Variants in ABR observed in about 807,000 individuals in gnomAD.
ABR encodes the protein active breakpoint cluster region-related protein.
In ABR, 35 loss-of-function variants were observed where a neutral mutation model predicts 107.2. That is an observed-to-expected ratio of 0.33 (90% CI 0.25 to 0.43). The LOEUF (loss-of-function observed/expected upper bound fraction) is 0.43, where lower values mean the gene tolerates loss of function less well. Ranked by LOEUF, ABR falls within the 20% of genes least tolerant of loss-of-function variation. The pLI is 1.00. For synonymous variants in ABR, 498 were observed against 462.0 expected, an observed-to-expected ratio of 1.08 and a Z score of -1.00; for missense variants, 815 against 1,115.2, an observed-to-expected ratio of 0.73 and a Z score of 3.83.
chr17:1,041,346 G>A (rs1402699137), intron 16 of ABR, among the ~76,000 whole-genome samples: 2 of 152,224 alleles, frequency 1.3e-5, no homozygotes, highest in Non-Finnish European at 2.9e-5. Context: ...AAGCGTGGAC[G>A]CACACGTCAC....
chr17:1,021,447 G>A (rs2071621845), intron 16 of ABR, among the ~76,000 whole-genome samples: 1 of 152,190 alleles, frequency 6.6e-6, no homozygotes. Flanking sequence ...TCCACCCTCT[G>A]AGCCCCGGCA....
intron 16 of ABR, among the ~76,000 whole-genome samples, chr17:1,022,120 A>AAC (rs1555534387): frequency 2.5e-5 from 3 of 118,388 alleles, no homozygotes; most frequent in South Asian, 2.7e-4. Flanking sequence ...AAAAAAAAAA[A>AAC]AAAAACAGAA....
At chr17:1,047,411 G>A (rs1160864515) in intron 16 of ABR, among the ~76,000 whole-genome samples, 1 of 152,246 alleles carries the variant, frequency 6.6e-6, no homozygotes, top group African/African-American at 2.4e-5. Flanking sequence ...GCCATCCACG[G>A]TGGCTCTGAG....
At chr17:1,116,318 G>T (rs942632882) in intron 2 of ABR, among the ~76,000 whole-genome samples, 13 of 152,130 alleles carry the variant, frequency 8.5e-5, no homozygotes, top group African/African-American at 2.9e-4. Context: ...AAAACAGAAA[G>T]AAAACTCCCC....
intron 16 of ABR, chr17:1,031,747 G>GGGT: frequency 1.6e-6 from 2 of 1,237,478 alleles, no homozygotes; most frequent in Non-Finnish European, 1.0e-6. Flanking sequence ...GTCATGCCGG[G>GGGT]GGGGACGGGA....
rs781662281 is a variant in ABR, at chr17:1,056,087, A to G, written c.1509T>C (p.Tyr503=). ...AGTGGACGATGACATGAAGGAAGCC[A>G]TAGAGTCCTGGAGACTCATCGTCTG... ...NKDDDESPGL[Y]GFLHVIVHSA... The change falls in exon 14 of 23, where the codon TAT becomes TAC. Residue 503 remains tyrosine (Y), a synonymous_variant. Transcript: ENST00000302538. 2 of 1,614,206 alleles carry G rather than the reference A, an allele frequency of 1.2e-6. No homozygotes were observed. Among genetic ancestry groups the G allele is most frequent in the Non-Finnish European group, 1.7e-6 (2 of 1,180,028 alleles).
intron 18 of ABR, 156 bp from the exon 19 acceptor site, chr17:1,012,141 A>G (rs565649577): frequency 1.6e-6 from 2 of 1,212,766 alleles, no homozygotes; most frequent in Non-Finnish European, 2.3e-6. Context: ...AGGCCACCGC[A>G]CCCCACCCCA....
chr17:1,108,649 A>G (rs914773818), intron 2 of ABR, among the ~76,000 whole-genome samples: 5 of 152,196 alleles, frequency 3.3e-5, no homozygotes, highest in African/African-American at 1.2e-4. Flanking sequence ...CGCTCCAGGG[A>G]GGCGGCGAGG....
rs762951601 is a variant in ABR at position 1,070,890 on chromosome 17, C to T, written c.895-800G>A. ...CAATTAAGATGACCGAGGCCGGGCG[C>T]AGTGGTTCACACCTGTCATCCCAGC... On this transcript the variant is annotated intron_variant, in intron 8 of 22. Transcript: ENST00000302538. This position sits in a 1 kb window ranked among gnomAD's most constrained non-coding sequence, Gnocchi z 4.2. Among the ~76,000 whole-genome samples the T allele has an allele frequency of 5.9e-5, 9 of 152,208 alleles. No homozygotes were observed. Among genetic ancestry groups the T allele is most frequent in the Non-Finnish European group, 1.2e-4 (8 of 68,046 alleles).
At chr17:1,225,125 G>C (rs1455419076) in intron 1 of ABR, among the ~76,000 whole-genome samples, 1 of 149,410 alleles carries the variant, frequency 6.7e-6, no homozygotes, top group African/African-American at 2.5e-5. Flanking sequence ...CTCCAGCCTG[G>C]GCAACACCGT....
intron 21 of ABR, among the ~76,000 whole-genome samples, chr17:1,008,566 C>T (rs72812085): frequency 0.039 from 6,014 of 152,310 alleles, 141 homozygotes; most frequent in East Asian, 0.082. Context: ...CAAATGCTTT[C>T]GGAATTGGTT....
At position 1,031,840 on chromosome 17, in the gene ABR, C is replaced by T. The variant is rs1017590248; in HGVS notation, c.1791+18210G>A. 5 of 1,223,674 alleles carry T rather than the reference C, an allele frequency of 4.1e-6. No individual in the cohort carries two copies. In the African/African-American group the frequency reaches 7.9e-5, roughly 19 times the overall value. The allele number at this position is 1,223,674 out of a possible 1,614,324, so 75.8% of individuals were successfully genotyped here. On this transcript the variant is annotated intron_variant, in intron 16 of 22. Transcript: ENST00000302538. ...AGTTCCCTAGTCCCGCCGGCTTTCC[C>T]CGCGCTCGCCTCCCTCCCTCCCTCC...
At chr17:1,058,441 A>T (rs1282017741) in intron 11 of ABR, among the ~76,000 whole-genome samples, 1 of 152,138 alleles carries the variant, frequency 6.6e-6, no homozygotes, top group African/African-American at 2.4e-5. Context: ...TGCCCGGCCC[A>T]AAGCTCCTCC....
intron 1 of ABR, among the ~76,000 whole-genome samples, chr17:1,212,459 A>G (rs2042920712): frequency 6.6e-6 from 1 of 152,070 alleles, no homozygotes; most frequent in South Asian, 2.1e-4. Flanking sequence ...ACAACAAAAC[A>G]AAACAAAAAG....
intron 16 of ABR, among the ~76,000 whole-genome samples, chr17:1,031,422 G>T (rs1345955378): frequency 6.6e-6 from 1 of 152,110 alleles, no homozygotes; most frequent in East Asian, 1.9e-4. Flanking sequence ...CGGCCCCAGC[G>T]TTCGCCATCA....
At chr17:1,093,012 G>A (rs1167127309) in intron 3 of ABR, among the ~76,000 whole-genome samples, 1 of 151,674 alleles carries the variant, frequency 6.6e-6, no homozygotes, top group Non-Finnish European at 1.5e-5. Flanking sequence ...TAGTAGAGAC[G>A]GGGTTTCACT....
At chr17:1,170,321 C>T (rs181008377) in intron 1 of ABR, among the ~76,000 whole-genome samples, 55 of 152,292 alleles carry the variant, frequency 3.6e-4, no homozygotes, top group Admixed American at 1.0e-3. Flanking sequence ...CCACCAGCAC[C>T]GCTGTGAAGG....
At chr17:1,143,055 G>A (rs1425103459) in intron 1 of ABR, among the ~76,000 whole-genome samples, 55 of 87,290 alleles carry the variant, frequency 6.3e-4, no homozygotes, top group African/African-American at 1.9e-3. Flanking sequence ...GGGGCAGCTC[G>A]CTCCTGGGGG....
intron 16 of ABR, among the ~76,000 whole-genome samples, chr17:1,024,353 C>T (rs1386741832): frequency 6.6e-6 from 1 of 152,248 alleles, no homozygotes; most frequent in African/African-American, 2.4e-5. Context: ...CAGCCCAACC[C>T]CAACCGGCCA....
Sources: gnomAD v4.1 joint callset for allele counts (sites outside exome capture counted in the v4.1 genomes callset) on GRCh38, gnomAD v4.1.1 for gene constraint, Gnocchi (gnomAD v3.1) non-coding constraint, MANE v1.5 for transcripts, NCBI Gene and HGNC (gene_info 2026-07-23, HGNC 2026-07-21) for gene names.